The following RIMS1 variants were observed in gnomAD, a reference collection of about 807,000 sequenced individuals.
RIMS1 encodes regulating synaptic membrane exocytosis 1, also known as regulating synaptic membrane exocytosis protein 1.
Under a neutral mutation model 214.1 loss-of-function variants are expected in RIMS1, and 83 were observed. The observed-to-expected ratio is 0.39, with a 90% CI of 0.32 to 0.47. The LOEUF (loss-of-function observed/expected upper bound fraction) is 0.47, where lower values mean the gene tolerates loss of function less well. Ranked by LOEUF, RIMS1 falls within the 20% of genes least tolerant of loss-of-function variation. The pLI is 0.99. For synonymous variants in RIMS1, 793 were observed against 786.8 expected (o/e 1.01, Z -0.13); for missense variants, 2,050 against 2,161.8 (o/e 0.95, Z 1.03).
chr6:72,032,258 G>T lies in RIMS1; in HGVS notation c.245+63195G>T, dbSNP rs546344798. Among the ~76,000 whole-genome samples the T allele has an allele frequency of 3.9e-5, 6 of 152,210 alleles. No homozygotes were observed. In the East Asian group the frequency reaches 1.2e-3, roughly 29 times the overall value. ...TAATTAAACAGAAAGAATGGAATGT[G>T]TGAGAGGACTAAAAATACAGCAAGA... On this transcript the variant is annotated intron_variant, in intron 2 of 33. Transcript: ENST00000521978.
intron 32 of RIMS1, 70 bp downstream of exon 32, chr6:72,398,420 C>A (rs2098803476): frequency 1.1e-6 from 1 of 889,582 alleles, no homozygotes. Context: ...ACATTTGCTG[C>A]ATTTGAATTT....
At chr6:72,173,484 C>G (rs1347781020) in intron 4 of RIMS1, among the ~76,000 whole-genome samples, 2 of 151,790 alleles carry the variant, frequency 1.3e-5, no homozygotes, top group African/African-American at 4.8e-5. Context: ...CGTTTTATCT[C>G]TCTAACATTT....
chr6:71,959,337 T>A (rs1792218696), intron 1 of RIMS1, among the ~76,000 whole-genome samples: 1 of 152,130 alleles, frequency 6.6e-6, no homozygotes, highest in Non-Finnish European at 1.5e-5. Flanking sequence ...CTATTTAAAA[T>A]CCACTTAAAT....
Position 72,313,547 on chromosome 6 carries a change from C to T in RIMS1, c.4005C>T (p.Val1335=). The T allele has an allele frequency of 6.2e-7, 1 of 1,613,766 alleles. No individual in the cohort carries two copies. The highest frequency in any genetic ancestry group is 1.7e-5 in the Admixed American group (1 of 59,984). The change falls in exon 28 of 34, where the codon GTC becomes GTT. Residue 1335 remains valine, a synonymous_variant. Coordinates refer to ENST00000521978, the MANE Select transcript of RIMS1 (RefSeq NM_014989.7). Reference sequence around the variant, plus strand: ...ATCAGTACAGAAGCTGTGATAACGTCTCTGCCAAATCATCAGATAGTGATG... The same window carrying T: ...ATCAGTACAGAAGCTGTGATAACGTTTCTGCCAAATCATCAGATAGTGATG... ...HKDQYRSCDN[V]SAKSSDSDVS...
intron 21 of RIMS1, 120 bp from the exon 22 acceptor site, chr6:72,265,840 G>A: frequency 1.5e-6 from 1 of 683,956 alleles, no homozygotes; most frequent in Non-Finnish European, 2.5e-6. Flanking sequence ...CTGAATCCCA[G>A]TGATTCTACA....
At chr6:72,172,770 T>G (rs2047200959) in intron 4 of RIMS1, among the ~76,000 whole-genome samples, 1 of 152,204 alleles carries the variant, frequency 6.6e-6, no homozygotes, top group Admixed American at 6.5e-5. Flanking sequence ...GTTTCATTTG[T>G]TTTGTGTTCA....
intron 4 of RIMS1, among the ~76,000 whole-genome samples, chr6:72,176,515 T>C (rs1011011279): frequency 2.6e-5 from 4 of 152,174 alleles, no homozygotes; most frequent in Admixed American, 6.5e-5. Flanking sequence ...ATTTGTGGTA[T>C]GATTAATTTG....
At chr6:72,397,249 T>C (rs2098790216) in intron 31 of RIMS1, among the ~76,000 whole-genome samples, 1 of 152,176 alleles carries the variant, frequency 6.6e-6, no homozygotes, top group African/African-American at 2.4e-5. Flanking sequence ...ATGAAAATTA[T>C]GAAACAAATA....
Position 72,353,173 on chromosome 6 carries a change from C to T in RIMS1, c.4366+19338C>T, listed in dbSNP as rs543701332. 1.2e-3 allele frequency among the ~76,000 whole-genome samples: 177 copies of T among 151,690 alleles called. 2 individuals are homozygous for T. The highest frequency in any genetic ancestry group is 4.1e-3 in the African/African-American group (168 of 41,332). On this transcript the variant is annotated intron_variant, in intron 29 of 33. Coordinates refer to ENST00000521978, the MANE Select transcript of RIMS1 (RefSeq NM_014989.7). ...CTAGTTTTTTTATTTTTAGTAGAGA[C>T]GGGGTTTCACCATGTTGGTCAGGCT...
chr6:72,203,217 G>T (rs1469968679), intron 6 of RIMS1, among the ~76,000 whole-genome samples: 2 of 152,094 alleles, frequency 1.3e-5, no homozygotes, highest in African/African-American at 4.8e-5. Context: ...TCGATCTCCT[G>T]ACCCTGTGAT....
intron 9 of RIMS1, 85 bp from the exon 10 acceptor site, chr6:72,242,229 G>A (rs2067268863): frequency 2.9e-6 from 3 of 1,051,780 alleles, no homozygotes; most frequent in South Asian, 3.1e-5. Context: ...TATATGTTTT[G>A]CATTTCTTTG....
At chr6:72,010,883 C>A (rs1304177644) in intron 2 of RIMS1, among the ~76,000 whole-genome samples, 1 of 152,104 alleles carries the variant, frequency 6.6e-6, no homozygotes, top group Non-Finnish European at 1.5e-5. Flanking sequence ...GAATCAATAT[C>A]CTGAAAATGG....
intron 6 of RIMS1, among the ~76,000 whole-genome samples, chr6:72,213,684 G>A (rs1265362237): frequency 6.6e-6 from 1 of 152,114 alleles, no homozygotes; most frequent in African/African-American, 2.4e-5. Context: ...AAAATAGGAA[G>A]TTTGTGTCAC....
intron 3 of RIMS1, among the ~76,000 whole-genome samples, chr6:72,098,695 G>T (rs1195032513): frequency 6.6e-6 from 1 of 152,158 alleles, no homozygotes. Flanking sequence ...AGACTGGATA[G>T]TAATATTTAC....
At chr6:71,999,347 G>A (rs926704872) in intron 2 of RIMS1, among the ~76,000 whole-genome samples, 7 of 152,066 alleles carry the variant, frequency 4.6e-5, no homozygotes, top group African/African-American at 1.7e-4. Context: ...TTCCTGACTT[G>A]AATGAGAATG....
chr6:71,957,417 C>G (rs1344919242), intron 1 of RIMS1, among the ~76,000 whole-genome samples: 1 of 152,104 alleles, frequency 6.6e-6, no homozygotes. Context: ...GAATTTTTAA[C>G]AATAGAGTTG....
intron 4 of RIMS1, among the ~76,000 whole-genome samples, chr6:72,129,876 A>G (rs1169897072): frequency 6.6e-6 from 1 of 152,148 alleles, no homozygotes; most frequent in Non-Finnish European, 1.5e-5. Flanking sequence ...ATGGCCTGGT[A>G]GGTCACAGTG....
At chr6:72,106,190 G>C (rs936835008) in intron 4 of RIMS1, among the ~76,000 whole-genome samples, 2 of 152,058 alleles carry the variant, frequency 1.3e-5, no homozygotes, top group Non-Finnish European at 2.9e-5. Flanking sequence ...TTTGTTTTCA[G>C]AAAGTAATCC....
intron 4 of RIMS1, among the ~76,000 whole-genome samples, chr6:72,169,868 G>C (rs1413430466): frequency 6.6e-6 from 1 of 152,166 alleles, no homozygotes; most frequent in Non-Finnish European, 1.5e-5. Flanking sequence ...CTGTGATGGT[G>C]CCACTGCACT....
Sources: allele counts gnomAD v4.1 joint callset (sites outside exome capture counted in the v4.1 genomes callset), GRCh38; gene constraint gnomAD v4.1.1; transcripts MANE v1.5; gene names NCBI Gene and HGNC (gene_info 2026-07-23, HGNC 2026-07-21).